The following CCDC102B variants were observed in gnomAD, a reference collection of about 807,000 sequenced individuals.
CCDC102B encodes the protein coiled-coil domain-containing protein 102B.
A neutral mutation model predicts 57.4 loss-of-function variants in CCDC102B; 75 were observed. That is an observed-to-expected ratio of 1.31 (90% CI 1.08 to 1.58). The LOEUF (loss-of-function observed/expected upper bound fraction) is 1.58. Among genes scored for constraint, CCDC102B ranks in the 40% most tolerant of loss-of-function variants. CCDC102B has a pLI of 0.00. For missense variants in CCDC102B, 636 were observed against 582.6 expected, an observed-to-expected ratio of 1.09 and a Z score of -0.94; for synonymous variants, 206 against 201.9, an observed-to-expected ratio of 1.02 and a Z score of -0.17.
rs573411822 is a variant in CCDC102B at position 68,984,970 on chromosome 18, T to A, written c.1264-25964T>A. Among the ~76,000 whole-genome samples the A allele has an allele frequency of 5.3e-5, 8 of 152,044 alleles. No homozygotes were observed. In the South Asian group the frequency reaches 1.7e-3, roughly 31 times the overall value. On this transcript the variant is annotated intron_variant, in intron 6 of 7. Coordinates refer to ENST00000360242, the MANE Select transcript of CCDC102B (RefSeq NM_024781.3). ...TATAAGTAGGTATCTAAGTCCCATGTTTTGGAGATAATCTCAGTTTGTAAA... is the reference window on the plus strand; with the variant it reads ...TATAAGTAGGTATCTAAGTCCCATGATTTGGAGATAATCTCAGTTTGTAAA...
intron 7 of CCDC102B, among the ~76,000 whole-genome samples, chr18:69,043,138 A>G (rs1267076649): frequency 6.6e-6 from 1 of 152,142 alleles, no homozygotes. Flanking sequence ...ATCATAGACA[A>G]GGTAAAGGAT....
At chr18:69,022,829 A>G (rs964925170) in intron 7 of CCDC102B, among the ~76,000 whole-genome samples, 1 of 151,192 alleles carries the variant, frequency 6.6e-6, no homozygotes, top group East Asian at 1.9e-4. Flanking sequence ...GGCTGGCCCC[A>G]TATTGCAGGG....
At chr18:68,888,178 A>G (rs530522532) in intron 5 of CCDC102B, among the ~76,000 whole-genome samples, 20 of 152,198 alleles carry the variant, frequency 1.3e-4, no homozygotes, top group Non-Finnish European at 2.6e-4. Flanking sequence ...ACATATTGCA[A>G]TAGTAGCCTA....
intron 4 of CCDC102B, among the ~76,000 whole-genome samples, chr18:68,848,829 G>A (rs929418595): frequency 3.3e-5 from 5 of 151,718 alleles, no homozygotes; most frequent in African/African-American, 1.2e-4. Context: ...TTAACAGTCA[G>A]TGACTCTGAT....
intron 2 of CCDC102B, among the ~76,000 whole-genome samples, chr18:68,752,772 C>G (rs1358512146): frequency 1.3e-5 from 2 of 152,108 alleles, no homozygotes; most frequent in Non-Finnish European, 2.9e-5. Flanking sequence ...TGTATGATTA[C>G]AAGAGATACT....
At chr18:68,720,731 G>A (rs1459095047) in intron 2 of CCDC102B, among the ~76,000 whole-genome samples, 2 of 152,086 alleles carry the variant, frequency 1.3e-5, no homozygotes, top group African/African-American at 4.8e-5. Context: ...TTTTTAGCAA[G>A]TGAACTCTGT....
chr18:69,027,458 A>G (rs1002587022), intron 7 of CCDC102B, among the ~76,000 whole-genome samples: 2 of 152,204 alleles, frequency 1.3e-5, no homozygotes, highest in African/African-American at 4.8e-5. Flanking sequence ...TCCTGTCAAC[A>G]TGTGTACTTT....
intron 6 of CCDC102B, among the ~76,000 whole-genome samples, chr18:68,967,267 CCAT>C (rs1461102417): frequency 6.6e-6 from 1 of 152,064 alleles, no homozygotes; most frequent in Non-Finnish European, 1.5e-5. Flanking sequence ...TCAAACACTG[CCAT>C]CTTATAAAGT....
chr18:68,718,730 C>A (rs2032163398), intron 2 of CCDC102B, among the ~76,000 whole-genome samples: 1 of 152,162 alleles, frequency 6.6e-6, no homozygotes, highest in Non-Finnish European at 1.5e-5. Flanking sequence ...TGGTTTAATG[C>A]AGATTCTGAT....
intron 3 of CCDC102B, among the ~76,000 whole-genome samples, chr18:68,844,443 C>G (rs2037768788): frequency 6.6e-6 from 1 of 151,586 alleles, no homozygotes; most frequent in Admixed American, 6.6e-5. Context: ...CAGTTACTGA[C>G]AAGACATTCC....
intron 2 of CCDC102B, among the ~76,000 whole-genome samples, chr18:68,758,936 C>A (rs1324772272): frequency 3.4e-5 from 5 of 147,146 alleles, no homozygotes; most frequent in Non-Finnish European, 4.5e-5. Context: ...GAGAAAAAAA[C>A]CTAAAAAAAA....
chr18:68,804,231 G>A (rs1223703833), intron 1 of CCDC102B, among the ~76,000 whole-genome samples: 2 of 152,208 alleles, frequency 1.3e-5, no homozygotes, highest in South Asian at 2.1e-4. Context: ...ACCTAGAAGA[G>A]TGAAATGTGC....
At chr18:68,922,188 C>G (rs527693930) in intron 6 of CCDC102B, among the ~76,000 whole-genome samples, 1 of 152,130 alleles carries the variant, frequency 6.6e-6, no homozygotes, top group Non-Finnish European at 1.5e-5. Flanking sequence ...GGCTCATATG[C>G]ACTGCTCCAC....
At chr18:69,026,016 G>C (rs894114544) in intron 7 of CCDC102B, among the ~76,000 whole-genome samples, 2 of 152,108 alleles carry the variant, frequency 1.3e-5, no homozygotes, top group Admixed American at 1.3e-4. Flanking sequence ...GGTAGTTCTT[G>C]AAGTTTGTGC....
intron 7 of CCDC102B, among the ~76,000 whole-genome samples, chr18:69,011,426 G>T (rs2051514560): frequency 6.6e-6 from 1 of 151,698 alleles, no homozygotes; most frequent in African/African-American, 2.4e-5. Context: ...ATTAAAGCTT[G>T]GGTGTTTTAA....
At chr18:68,988,823 G>C (rs2050791849) in intron 6 of CCDC102B, among the ~76,000 whole-genome samples, 2 of 152,180 alleles carry the variant, frequency 1.3e-5, no homozygotes, top group African/African-American at 4.8e-5. Context: ...AGGTTGGTTT[G>C]GACTTGAGTG....
chr18:68,902,585 C>T lies in CCDC102B; in HGVS notation c.1263+5157C>T, dbSNP rs143993586. Among the ~76,000 whole-genome samples, 1,348 of 152,266 alleles carry T rather than the reference C, an allele frequency of 8.9e-3. 12 individuals are homozygous for T. The highest frequency in any genetic ancestry group is 0.014 in the Middle Eastern group (4 of 294). On this transcript the variant is annotated intron_variant, in intron 6 of 7. Transcript: ENST00000360242. ...TCATCTAACCAGTACCTATCTGCAG[C>T]ATGTTTACTAGTGCAGCATCCACCT...
intron 2 of CCDC102B, among the ~76,000 whole-genome samples, chr18:68,742,643 TGGTA>T (rs1346275848): frequency 6.6e-6 from 1 of 152,222 alleles, no homozygotes; most frequent in South Asian, 2.1e-4. Context: ...GGTGGGTGTC[TGGTA>T]GGGCTGAAAG....
In CCDC102B at chr18:68,956,426, T is replaced by TATAAA. The variant is rs1422043944; in HGVS notation, c.1264-54505_1264-54504insAAATA. On this transcript the variant is annotated intron_variant, in intron 6 of 7. Transcript: ENST00000360242. ...TATATTTTATATATATTATATATAT[T>TATAAA]ATACATTTTATATATATTATATATA... 1.1e-4 allele frequency among the ~76,000 whole-genome samples: 5 copies of TATAAA among 44,560 alleles called. 2 individuals carry two copies. Among genetic ancestry groups the TATAAA allele is most frequent in the East Asian group, 1.7e-3 (2 of 1,150 alleles). The allele number at this position is 44,560 out of a possible 152,430, so 29.2% of individuals were successfully genotyped here.
Sources: gnomAD v4.1 joint callset for allele counts (sites outside exome capture counted in the v4.1 genomes callset) on GRCh38, gnomAD v4.1.1 for gene constraint, MANE v1.5 for transcripts, NCBI Gene and HGNC (gene_info 2026-07-23, HGNC 2026-07-21) for gene names.